Variants in CNTNAP2 observed in about 807,000 individuals in gnomAD.
CNTNAP2 encodes the protein contactin-associated protein-like 2.
Under a neutral mutation model 155.2 loss-of-function variants are expected in CNTNAP2, and 98 were observed. That is an observed-to-expected ratio of 0.63 (90% confidence interval 0.54 to 0.75). CNTNAP2 has a LOEUF of 0.75. Ranked by LOEUF, CNTNAP2 falls within the 30% of genes least tolerant of loss-of-function variation. The pLI, the probability that CNTNAP2 is intolerant of heterozygous loss-of-function variation, is 0.00. For missense variants in CNTNAP2, 1,727 were observed against 1,688.1 expected, an observed-to-expected ratio of 1.02 and a Z score of -0.40; for synonymous variants, 651 against 631.2, an observed-to-expected ratio of 1.03 and a Z score of -0.47.
At chr7:147,778,415 G>A (rs1421542760) in intron 13 of CNTNAP2, among the ~76,000 whole-genome samples, 2 of 152,138 alleles carry the variant, frequency 1.3e-5, no homozygotes, top group African/African-American at 4.8e-5. Context: ...TAAAGCTGAG[G>A]AACATATAAA....
chr7:146,683,387 C>A (rs541689972), intron 1 of CNTNAP2, among the ~76,000 whole-genome samples: 73 of 152,192 alleles, frequency 4.8e-4, no homozygotes, highest in Non-Finnish European at 9.6e-4. Flanking sequence ...ATCCTTGTTG[C>A]TTAATATTTT....
chr7:147,156,881 T>C (rs1403232204), intron 8 of CNTNAP2, among the ~76,000 whole-genome samples: 1 of 152,138 alleles, frequency 6.6e-6, no homozygotes, highest in African/African-American at 2.4e-5. Context: ...TGCAAGCATA[T>C]GTCACCTTTG....
intron 13 of CNTNAP2, among the ~76,000 whole-genome samples, chr7:147,677,610 CT>C (rs555057942): frequency 6.6e-6 from 1 of 151,260 alleles, no homozygotes; most frequent in Non-Finnish European, 1.5e-5. Context: ...TGTCATGTAG[CT>C]TTTTTTTCTA....
At chr7:147,536,672 C>T (rs2116735360) in intron 11 of CNTNAP2, among the ~76,000 whole-genome samples, 1 of 152,292 alleles carries the variant, frequency 6.6e-6, no homozygotes, top group African/African-American at 2.4e-5. Flanking sequence ...GGGCTCAGTA[C>T]ATTTCAAGGT....
At chr7:146,679,410 C>A (rs1481399477) in intron 1 of CNTNAP2, among the ~76,000 whole-genome samples, 1 of 130,752 alleles carries the variant, frequency 7.6e-6, no homozygotes, top group Non-Finnish European at 1.5e-5. Flanking sequence ...GGCTGGAGTG[C>A]AGTGGCTCGA....
rs533630678 is a variant in CNTNAP2 at position 146,867,853 on chromosome 7, C to A, written c.402+27949C>A. Among the ~76,000 whole-genome samples, 19 of 151,912 alleles carry A rather than the reference C, an allele frequency of 1.3e-4. No homozygotes were observed. In the South Asian group the frequency reaches 4.0e-3, roughly 32 times the overall value. The stretch of plus-strand genomic sequence containing the variant: ...GGAGTGTCTGTTCATGTCCTTTGCC[C>A]ACTTTTTAATGGAGTCGTTTGTTTT... On this transcript the variant is annotated intron_variant, in intron 3 of 23. Transcript: ENST00000361727.
At chr7:146,393,789 T>C (rs1327601118) in intron 1 of CNTNAP2, among the ~76,000 whole-genome samples, 2 of 152,144 alleles carry the variant, frequency 1.3e-5, no homozygotes, top group South Asian at 4.1e-4. Flanking sequence ...TCTTTTTTTC[T>C]GGATGGTGAA....
intron 18 of CNTNAP2, among the ~76,000 whole-genome samples, chr7:148,185,852 T>C (rs545177150): frequency 2.0e-5 from 3 of 152,254 alleles, no homozygotes; most frequent in Non-Finnish European, 4.4e-5. Context: ...GATCAAGTTA[T>C]AAATTGAAAC....
intron 15 of CNTNAP2, among the ~76,000 whole-genome samples, chr7:148,062,028 A>AGAGAGAGAGAGTGTGT (rs1388530831): frequency 2.6e-4 from 28 of 106,014 alleles, no homozygotes; most frequent in East Asian, 1.6e-3. Context: ...AGAGAGAGAG[A>AGAGAGAGAGAGTGTGT]GTGTGTGTGT....
chr7:147,070,924 T>C (rs763010565), intron 4 of CNTNAP2, among the ~76,000 whole-genome samples: 1 of 152,084 alleles, frequency 6.6e-6, no homozygotes, highest in African/African-American at 2.4e-5. Context: ...TTAAAGGAAA[T>C]TTACCACTGG....
At chr7:147,933,329 C>A (rs1439648556) in intron 14 of CNTNAP2, among the ~76,000 whole-genome samples, 1 of 152,016 alleles carries the variant, frequency 6.6e-6, no homozygotes, top group Admixed American at 6.6e-5. Flanking sequence ...GCCATTTACT[C>A]CCCCAAAATT....
chr7:146,572,344 C>A (rs1324199402), intron 1 of CNTNAP2, among the ~76,000 whole-genome samples: 3 of 150,348 alleles, frequency 2.0e-5, no homozygotes, highest in Non-Finnish European at 4.4e-5. Context: ...GAAAGCAATG[C>A]CTCCTGAGTT....
At chr7:146,485,991 A>G (rs1052533536) in intron 1 of CNTNAP2, among the ~76,000 whole-genome samples, 19 of 147,958 alleles carry the variant, frequency 1.3e-4, no homozygotes, top group African/African-American at 4.7e-4. Flanking sequence ...TCTTTGTATC[A>G]GTTAGTAGTA....
chr7:146,835,227 CTG>C (rs1803593381), intron 2 of CNTNAP2, among the ~76,000 whole-genome samples: 2 of 152,114 alleles, frequency 1.3e-5, no homozygotes, highest in Non-Finnish European at 2.9e-5. Context: ...CAATAAGTAA[CTG>C]AAGAAAATTT....
intron 21 of CNTNAP2, among the ~76,000 whole-genome samples, chr7:148,275,844 A>C (rs905463223): frequency 2.6e-5 from 4 of 152,126 alleles, no homozygotes; most frequent in Non-Finnish European, 5.9e-5. Context: ...CCCATGTTCC[A>C]AGAGAGAGGA....
chr7:148,413,103 A>G (rs1330616147), intron 23 of CNTNAP2, among the ~76,000 whole-genome samples: 2 of 152,000 alleles, frequency 1.3e-5, no homozygotes, highest in Non-Finnish European at 2.9e-5. Flanking sequence ...ATTTAAAAGA[A>G]TATTGTGGCC....
chr7:147,680,493 G>A (rs1042526067), intron 13 of CNTNAP2, among the ~76,000 whole-genome samples: 2 of 151,882 alleles, frequency 1.3e-5, no homozygotes, highest in African/African-American at 4.8e-5. Flanking sequence ...AAGTGCTAAA[G>A]CAATATATTG....
intron 18 of CNTNAP2, among the ~76,000 whole-genome samples, chr7:148,209,892 C>T (rs1339313165): frequency 6.6e-6 from 1 of 152,188 alleles, no homozygotes; most frequent in Non-Finnish European, 1.5e-5. Context: ...CTACGTTCAT[C>T]CTCGACATTC....
intron 13 of CNTNAP2, among the ~76,000 whole-genome samples, chr7:147,896,547 T>C (rs751590639): frequency 6.6e-6 from 1 of 152,070 alleles, no homozygotes; most frequent in Non-Finnish European, 1.5e-5. Context: ...GGAGTGCTGA[T>C]TGGTCAGGAA....
Sources: gnomAD v4.1 joint callset for allele counts (sites outside exome capture counted in the v4.1 genomes callset) on GRCh38, gnomAD v4.1.1 for gene constraint, MANE v1.5 for transcripts, NCBI Gene and HGNC (gene_info 2026-07-23, HGNC 2026-07-21) for gene names.